The following PPIL3 variants were observed in gnomAD, a reference collection of about 807,000 sequenced individuals.
PPIL3 encodes peptidyl-prolyl cis-trans isomerase-like 3.
In PPIL3, 13 loss-of-function variants were observed where a neutral mutation model predicts 20.9. The observed-to-expected ratio is 0.62, with a 90% CI of 0.40 to 0.99. PPIL3 has a LOEUF of 0.99. Ranked by LOEUF, PPIL3 falls within the 50% of genes least tolerant of loss-of-function variation. PPIL3 has a pLI of 0.00. For missense variants in PPIL3, 170 were observed against 195.2 expected, an observed-to-expected ratio of 0.87 and a Z score of 0.77; for synonymous variants, 71 against 64.4, an observed-to-expected ratio of 1.10 and a Z score of -0.49.
intron 5 of PPIL3, among the ~76,000 whole-genome samples, chr2:200,881,065 GAT>G (rs1341888353): frequency 6.6e-6 from 1 of 152,152 alleles, no homozygotes; most frequent in Non-Finnish European, 1.5e-5. Flanking sequence ...CAGGAAGTTT[GAT>G]AGTCTTTCCT....
chr2:200,872,320 T>C (rs2039334688), intron 6 of PPIL3, among the ~76,000 whole-genome samples: 1 of 152,114 alleles, frequency 6.6e-6, no homozygotes, highest in Non-Finnish European at 1.5e-5. Flanking sequence ...GCTTCCATGC[T>C]CTTCTCGGGG....
chr2:200,883,032 C>T (rs1194341678), intron 3 of PPIL3, among the ~76,000 whole-genome samples: 3 of 151,570 alleles, frequency 2.0e-5, no homozygotes, highest in Non-Finnish European at 4.4e-5. Flanking sequence ...ACTCCATCAG[C>T]ATTCTGACAA....
chr2:200,876,134 G>GTTTTTTT (rs886677890), intron 6 of PPIL3, among the ~76,000 whole-genome samples: 1 of 144,766 alleles, frequency 6.9e-6, no homozygotes, highest in African/African-American at 2.6e-5. Flanking sequence ...AAAAAAAAGT[G>GTTTTTTT]TTTTTTTTGT....
intron 6 of PPIL3, 89 bp from the exon 7 acceptor site, chr2:200,871,610 TAATC>T: frequency 1.7e-6 from 2 of 1,165,316 alleles, no homozygotes; most frequent in Non-Finnish European, 2.4e-6. Context: ...CCTTAAAAAA[TAATC>T]AAGTCTTACA....
intron 1 of PPIL3, among the ~76,000 whole-genome samples, chr2:200,888,025 C>T (rs1298976290): frequency 6.7e-6 from 1 of 149,032 alleles, no homozygotes; most frequent in Non-Finnish European, 1.5e-5. Flanking sequence ...CCACTGCACT[C>T]CAGCCTGGGT....
chr2:200,888,660 G>C (rs2040068951), intron 1 of PPIL3: 1 of 239,362 alleles, frequency 4.2e-6, no homozygotes, highest in Non-Finnish European at 8.5e-6. Flanking sequence ...CGAGTAGGTG[G>C]GACTACAGGC....
At chr2:200,885,494 C>T (rs920567144) in intron 3 of PPIL3, 20 of 513,764 alleles carry the variant, frequency 3.9e-5, no homozygotes, top group East Asian at 2.0e-4. Flanking sequence ...CTATCGTTAC[C>T]GAAAAATTAT....
rs1190491305 is a variant in PPIL3 at position 200,885,785 on chromosome 2, GAA to G, written c.4-15_4-14del. 6.7e-7 allele frequency: 1 copy of G among 1,485,816 alleles called. No individual in the cohort carries two copies. 92.0% of individuals were successfully genotyped at this position (1,485,816 alleles called of 1,614,324 possible). On this transcript the variant is annotated splice_polypyrimidine_tract_variant and intron_variant, in intron 2 of 6. Coordinates refer to ENST00000392283, the MANE Select transcript of PPIL3 (RefSeq NM_130906.3). ...GCAGTGTCACAGACTAAAAAGGAGA[GAA>G]AATGTGAGAACAAATGAAATTTATT...
chr2:200,889,018 G>A lies in PPIL3; in HGVS notation c.-133C>T, dbSNP rs962792246. 6.4e-6 allele frequency: 3 copies of A among 471,198 alleles called. No homozygotes were observed. The highest frequency in any genetic ancestry group is 6.5e-4 in the Middle Eastern group (2 of 3,078). 29.2% of individuals were successfully genotyped at this position (471,198 alleles called of 1,614,324 possible). ...AAACAGGAAAAATGCAATCGCAGAT[G>A]CCAGCAGAGGTCTGTTGGTTCAAAA... On this transcript the variant is annotated 5_prime_UTR_variant, in exon 1 of 7. Transcript: ENST00000392283.
intron 6 of PPIL3, among the ~76,000 whole-genome samples, chr2:200,876,520 T>C (rs1165414190): frequency 6.7e-6 from 1 of 148,458 alleles, no homozygotes; most frequent in South Asian, 2.1e-4. Flanking sequence ...TCTTTTCATT[T>C]TTTTTTTTTT....
rs1315881951 is a variant in PPIL3, at chr2:200,877,013, T to C, written c.265A>G (p.Met89Val). 4 of 1,611,662 alleles carry C rather than the reference T, an allele frequency of 2.5e-6. No homozygotes were observed. The highest frequency in any genetic ancestry group is 2.7e-5 in the African/African-American group (2 of 74,872). Residue 89 changes from methionine to valine, a missense_variant, in exon 6 of 7, where the codon ATG (methionine) becomes GTG (valine). Transcript: ENST00000392283. ...TTGGTGTTCGGGCCATTATTAGCCA[T>C]AGATACAACACCTCTAACATTGTGC... ...LKHNVRGVVS[M>V]ANNGPNTNGS...
chr2:200,881,855 A>C (rs2039742097), intron 4 of PPIL3: 1 of 232,318 alleles, frequency 4.3e-6, no homozygotes, highest in African/African-American at 2.3e-5. Flanking sequence ...AGGTGCTAAT[A>C]ATTTCTGCTT....
At chr2:200,881,860 C>A in intron 4 of PPIL3, 1 of 228,850 alleles carries the variant, frequency 4.4e-6, no homozygotes, top group Non-Finnish European at 8.5e-6. Context: ...CTAATAATTT[C>A]TGCTTTAAAA....
chr2:200,873,951 A>G (rs372507076), intron 6 of PPIL3, among the ~76,000 whole-genome samples: 1 of 151,524 alleles, frequency 6.6e-6, no homozygotes, highest in African/African-American at 2.4e-5. Flanking sequence ...CACGCCTGTA[A>G]TCTCAGCACT....
Position 200,871,345 on chromosome 2 carries a change from A to C in PPIL3, c.*50T>G. 3.9e-6 allele frequency: 6 copies of C among 1,555,030 alleles called. No individual in the cohort carries two copies. The highest frequency in any genetic ancestry group is 5.3e-6 in the Non-Finnish European group (6 of 1,139,390). On this transcript the variant is annotated 3_prime_UTR_variant, in exon 7 of 7. Coordinates refer to ENST00000392283, the MANE Select transcript of PPIL3 (RefSeq NM_130906.3). Reference sequence around the variant, plus strand: ...CATAATTAAAACCGGGTAAACCACAATAAGTGTGTTCCAGCAATTTGTCAA... The same window carrying C: ...CATAATTAAAACCGGGTAAACCACACTAAGTGTGTTCCAGCAATTTGTCAA...
chr2:200,871,337 A>G lies in PPIL3; in HGVS notation c.*58T>C, dbSNP rs561798296. On this transcript the variant is annotated 3_prime_UTR_variant, in exon 7 of 7. Coordinates refer to ENST00000392283, the MANE Select transcript of PPIL3 (RefSeq NM_130906.3). ...ATCTCTGACATAATTAAAACCGGGT[A>G]AACCACAATAAGTGTGTTCCAGCAA... is the stretch of plus-strand genomic sequence containing the variant. 17 of 1,513,430 alleles carry G rather than the reference A, an allele frequency of 1.1e-5. No individual in the cohort carries two copies. The African/African-American group carries it at 1.8e-4, about 16-fold the overall frequency. The allele number at this position is 1,513,430 out of a possible 1,614,324, so 93.8% of individuals were successfully genotyped here.
At position 200,871,333 on chromosome 2, in the gene PPIL3, G is replaced by A. The variant is rs910902498; in HGVS notation, c.*62C>T. ...TGCAATCTCTGACATAATTAAAACC[G>A]GGTAAACCACAATAAGTGTGTTCCA... On this transcript the variant is annotated 3_prime_UTR_variant, in exon 7 of 7. Coordinates refer to ENST00000392283, the MANE Select transcript of PPIL3 (RefSeq NM_130906.3). 2.3e-5 allele frequency: 34 copies of A among 1,496,462 alleles called. No individual in the cohort carries two copies. Among genetic ancestry groups the A allele is most frequent in the Admixed American group, 9.8e-5 (5 of 51,276 alleles). The allele number at this position is 1,496,462 out of a possible 1,614,324, so 92.7% of individuals were successfully genotyped here.
chr2:200,876,891 A>G (rs746349216), intron 6 of PPIL3, 28 bp downstream of exon 6: 1 of 1,503,384 alleles, frequency 6.7e-7, no homozygotes, highest in East Asian at 2.3e-5. Context: ...TTGAAATGCT[A>G]AAAGAAAACC....
intron 3 of PPIL3, among the ~76,000 whole-genome samples, chr2:200,883,681 T>A (rs1271659778): frequency 6.6e-6 from 1 of 152,212 alleles, no homozygotes; most frequent in Non-Finnish European, 1.5e-5. Flanking sequence ...ACTAAAATAT[T>A]GGCTCCATGA....
Sources: allele counts gnomAD v4.1 joint callset (sites outside exome capture counted in the v4.1 genomes callset), GRCh38; gene constraint gnomAD v4.1.1; transcripts MANE v1.5; gene names NCBI Gene and HGNC (gene_info 2026-07-23, HGNC 2026-07-21).